CPED1: variants seen among roughly 807,000 people sequenced by gnomAD.
CPED1 encodes the protein cadherin-like and PC-esterase domain-containing protein 1.
In CPED1, 114 loss-of-function variants were observed where a neutral mutation model predicts 128.2. The ratio of observed to expected loss-of-function variants is 0.89; its 90% CI spans 0.76 to 1.04. The LOEUF (loss-of-function observed/expected upper bound fraction) is 1.04. CPED1 is among the 50% of genes least tolerant of loss of function. The pLI, the probability that CPED1 is intolerant of heterozygous loss-of-function variation, is 0.00. For missense variants in CPED1, 1,211 were observed against 1,207.1 expected (o/e 1.00, Z -0.05); for synonymous variants, 462 against 426.7 (o/e 1.08, Z -1.02).
rs1274112538 is a variant in CPED1, at chr7:121,194,039, TATATATATA to T, written c.2056-42674_2056-42666del. ...CTCTCTCTCTATATATATATATATA[TATATATATA>T]TTTTTTTTTTTTTTTTTTGAGACAG... is the stretch of plus-strand genomic sequence containing the variant. On this transcript the variant is annotated intron_variant, in intron 16 of 22. Transcript: ENST00000310396. 1.2e-4 allele frequency among the ~76,000 whole-genome samples: 14 copies of T among 112,612 alleles called. 1 individual carries two copies. The highest frequency in any genetic ancestry group is 4.3e-4 in the African/African-American group (12 of 28,098). The allele number at this position is 112,612 out of a possible 152,430, so 73.9% of individuals were successfully genotyped here.
At chr7:121,293,916 C>G (rs1457905485) in intron 22 of CPED1, among the ~76,000 whole-genome samples, 1 of 152,086 alleles carries the variant, frequency 6.6e-6, no homozygotes, top group East Asian at 1.9e-4. Context: ...CTGCCTTGTT[C>G]TCGCTGTGAG....
At chr7:121,174,881 G>A (rs1584569877) in intron 16 of CPED1, among the ~76,000 whole-genome samples, 1 of 151,990 alleles carries the variant, frequency 6.6e-6, no homozygotes, top group African/African-American at 2.4e-5. Flanking sequence ...CCATTTGTTT[G>A]TGTCATTTCT....
chr7:121,015,992 ATC>A (rs1792292564), intron 3 of CPED1, 144 bp downstream of exon 3: 4 of 505,342 alleles, frequency 7.9e-6, no homozygotes, highest in African/African-American at 2.0e-5. Context: ...TAGAAAACTT[ATC>A]TCTTTTTTTT....
At chr7:121,185,703 C>G (rs1333489640) in intron 16 of CPED1, among the ~76,000 whole-genome samples, 2 of 152,204 alleles carry the variant, frequency 1.3e-5, no homozygotes, top group African/African-American at 4.8e-5. Flanking sequence ...AGCAACTACA[C>G]TCCGTGAACG....
chr7:121,004,892 T>C (rs1288947331), intron 2 of CPED1, among the ~76,000 whole-genome samples: 1 of 152,222 alleles, frequency 6.6e-6, no homozygotes, highest in Non-Finnish European at 1.5e-5. Flanking sequence ...GACTAATTTC[T>C]GGTCCAGCCC....
At position 120,989,375 on chromosome 7, in the gene CPED1, C is replaced by CT. The variant is rs1285247396; in HGVS notation, c.-231-9dup. On this transcript the variant is annotated splice_polypyrimidine_tract_variant and intron_variant, in intron 1 of 22. Coordinates refer to ENST00000310396, the MANE Select transcript of CPED1 (RefSeq NM_024913.5). ...CGTTACAACTATTATTATTTGATGT[C>CT]TTTTTTTAAACTCAGGTCATCCACT... 8.1e-6 allele frequency: 4 copies of CT among 494,932 alleles called. No individual in the cohort carries two copies. Among genetic ancestry groups the CT allele is most frequent in the Admixed American group, 3.4e-5 (1 of 29,156 alleles). The allele number at this position is 494,932 out of a possible 1,614,324, so 30.7% of individuals were successfully genotyped here. A position where few individuals can be genotyped will look rare whatever the true frequency, so the allele number is the denominator to read the frequency against.
intron 18 of CPED1, among the ~76,000 whole-genome samples, chr7:121,252,269 A>G (rs1288806587): frequency 6.6e-6 from 1 of 152,096 alleles, no homozygotes. Context: ...ATATGTAGAA[A>G]GCTGAAACTG....
At chr7:121,186,028 A>AT (rs977581271) in intron 16 of CPED1, among the ~76,000 whole-genome samples, 2 of 152,144 alleles carry the variant, frequency 1.3e-5, no homozygotes, top group African/African-American at 4.8e-5. Flanking sequence ...TATTATAATA[A>AT]TTTTTTTCCA....
chr7:121,110,794 T>C (rs1240791429), intron 7 of CPED1, among the ~76,000 whole-genome samples: 1 of 152,166 alleles, frequency 6.6e-6, no homozygotes, highest in East Asian at 1.9e-4. Context: ...TTCTGCTGCT[T>C]TGTGGAGAAC....
At chr7:121,287,972 C>G (rs1347118351) in intron 22 of CPED1, among the ~76,000 whole-genome samples, 1 of 152,086 alleles carries the variant, frequency 6.6e-6, no homozygotes, top group Non-Finnish European at 1.5e-5. Context: ...TTTATAATAT[C>G]TAATTATTTT....
chr7:120,989,671 C>G lies in CPED1; in HGVS notation c.50C>G (p.Pro17Arg), dbSNP rs755008351. 1.2e-6 allele frequency: 2 copies of G among 1,613,994 alleles called. No individual in the cohort carries two copies. Among genetic ancestry groups the G allele is most frequent in the Non-Finnish European group, 1.7e-6 (2 of 1,180,012 alleles). Residue 17 changes from proline to arginine, a missense_variant, in exon 2 of 23, where the codon CCC (proline) becomes CGC (arginine). Transcript: ENST00000310396. Reference protein sequence around the residue: ...FPCRRRFCPRPFLVGLVVAIC... With the variant: ...FPCRRRFCPRRFLVGLVVAIC... ...TGTCGTCGGCGATTTTGCCCCCGACCCTTCTTGGTGGGCTTAGTGGTGGCA... is the reference window on the plus strand; with the variant it reads ...TGTCGTCGGCGATTTTGCCCCCGACGCTTCTTGGTGGGCTTAGTGGTGGCA...
intron 22 of CPED1, among the ~76,000 whole-genome samples, chr7:121,292,779 T>G (rs1297157881): frequency 2.6e-5 from 4 of 152,164 alleles, no homozygotes; most frequent in Non-Finnish European, 5.9e-5. Context: ...CAGGCCGCTC[T>G]TCTGCAAGTC....
intron 22 of CPED1, among the ~76,000 whole-genome samples, chr7:121,285,818 C>T (rs1792556420): frequency 6.6e-6 from 1 of 152,202 alleles, no homozygotes; most frequent in Non-Finnish European, 1.5e-5. Context: ...AAGTTCCAAA[C>T]ATTTTCCTGT....
intron 3 of CPED1, among the ~76,000 whole-genome samples, chr7:121,024,800 C>A (rs1684597090): frequency 6.6e-6 from 1 of 151,956 alleles, no homozygotes; most frequent in South Asian, 2.1e-4. Context: ...ACATAATATC[C>A]GAATTACATT....
At chr7:121,013,396 G>C (rs959307693) in intron 2 of CPED1, among the ~76,000 whole-genome samples, 3 of 152,228 alleles carry the variant, frequency 2.0e-5, no homozygotes, top group Non-Finnish European at 2.9e-5. Context: ...ACATACAGAA[G>C]GTATGATTAG....
At position 121,075,647 on chromosome 7, in the gene CPED1, A is replaced by G. The variant is rs554496144; in HGVS notation, c.616+11334A>G. Among the ~76,000 whole-genome samples the G allele has an allele frequency of 9.9e-5, 15 of 152,182 alleles. No individual in the cohort carries two copies. In the South Asian group the frequency reaches 3.1e-3, roughly 32 times the overall value. ...CCGGCTAATTTTTGTTATTTTTAGT[A>G]GAGGTAGGGTTTCACCATATTGGTC... On this transcript the variant is annotated intron_variant, in intron 5 of 22. Coordinates refer to ENST00000310396, the MANE Select transcript of CPED1 (RefSeq NM_024913.5).
At chr7:121,244,434 T>A in intron 18 of CPED1, 96 bp downstream of exon 18, 17 of 1,301,076 alleles carry the variant, frequency 1.3e-5, no homozygotes, top group Non-Finnish European at 1.6e-5. Context: ...TCCTGCTGTC[T>A]CACAGCAGAG....
rs555065580 is a variant in CPED1, at chr7:121,238,473, G to A, written c.2173+1642G>A. Among the ~76,000 whole-genome samples the A allele has an allele frequency of 9.2e-5, 14 of 152,060 alleles. No individual in the cohort carries two copies. The East Asian group carries it at 1.2e-3, about 13-fold the overall frequency. ...GCTTCTGATGCTGGAAGTCCTCTCC[G>A]GGAAGCCTTTTTTCACCACCAGATT... On this transcript the variant is annotated intron_variant, in intron 17 of 22. Coordinates refer to ENST00000310396, the MANE Select transcript of CPED1 (RefSeq NM_024913.5).
intron 5 of CPED1, among the ~76,000 whole-genome samples, chr7:121,077,306 G>A (rs1794154413): frequency 6.6e-6 from 1 of 152,082 alleles, no homozygotes; most frequent in Admixed American, 6.6e-5. Context: ...AATGAAAATG[G>A]AAGTCAAATT....
Sources: allele counts gnomAD v4.1 joint callset (sites outside exome capture counted in the v4.1 genomes callset), GRCh38; gene constraint gnomAD v4.1.1; transcripts MANE v1.5; gene names NCBI Gene and HGNC (gene_info 2026-07-23, HGNC 2026-07-21).